Variants in PRKN observed in about 807,000 individuals in gnomAD.
PRKN encodes the protein E3 ubiquitin-protein ligase parkin.
A neutral mutation model predicts 59.5 loss-of-function variants in PRKN; 56 were observed. That is an observed-to-expected ratio of 0.94 (90% CI 0.76 to 1.18). The LOEUF (loss-of-function observed/expected upper bound fraction) is 1.18. Ranked by LOEUF, PRKN falls within the 50% of genes most tolerant of loss-of-function variation. The pLI, the probability that PRKN is intolerant of heterozygous loss-of-function variation, is 0.00. For missense variants in PRKN, 657 were observed against 596.4 expected (o/e 1.10, Z -1.06); for synonymous variants, 250 against 222.1 (o/e 1.13, Z -1.12).
At chr6:162,687,148 T>A (rs921837616) in intron 1 of PRKN, among the ~76,000 whole-genome samples, 1 of 151,938 alleles carries the variant, frequency 6.6e-6, no homozygotes, top group African/African-American at 2.4e-5. Flanking sequence ...ACAATATTAA[T>A]TCTTCTGATC....
chr6:162,083,492 A>T (rs1434020264), intron 4 of PRKN, among the ~76,000 whole-genome samples: 1 of 152,114 alleles, frequency 6.6e-6, no homozygotes, highest in Non-Finnish European at 1.5e-5. Flanking sequence ...TTTCATTTTC[A>T]TCAAGCCAAA....
chr6:162,252,016 C>A (rs554471650), intron 3 of PRKN, among the ~76,000 whole-genome samples: 4 of 152,052 alleles, frequency 2.6e-5, no homozygotes, highest in Non-Finnish European at 4.4e-5. Flanking sequence ...GTCAAAAGGT[C>A]GAAATTGCAT....
rs865824004 is a variant in PRKN, at chr6:161,368,382, G to T, written c.1168-8177C>A. 8.2e-4 allele frequency among the ~76,000 whole-genome samples: 81 copies of T among 99,272 alleles called. 1 individual carries two copies. Among genetic ancestry groups the T allele is most frequent in the East Asian group, 2.6e-3 (10 of 3,918 alleles). The allele number at this position is 99,272 out of a possible 152,430, so 65.1% of individuals were successfully genotyped here. A position where few individuals can be genotyped will look rare whatever the true frequency, so the allele number is the denominator to read the frequency against. ...GTATATATATAGCAACCTCAGTCTT[G>T]ATATATATATATATATATATATATA... On this transcript the variant is annotated intron_variant, in intron 10 of 11. Coordinates refer to ENST00000366898, the MANE Select transcript of PRKN (RefSeq NM_004562.3).
At chr6:161,767,516 C>CA (rs11312010) in intron 7 of PRKN, among the ~76,000 whole-genome samples, 76,973 of 145,306 alleles carry the variant, frequency 0.53, 20,530 homozygotes, top group Non-Finnish European at 0.58. Flanking sequence ...AACTCCTTCT[C>CA]AAAAAAAAAA....
At chr6:162,562,012 A>G (rs539232923) in intron 1 of PRKN, among the ~76,000 whole-genome samples, 1 of 152,250 alleles carries the variant, frequency 6.6e-6, no homozygotes, top group South Asian at 2.1e-4. Context: ...CAGGCTGCAC[A>G]GTTCTCAGCT....
chr6:162,391,399 G>A (rs913861210), intron 2 of PRKN, among the ~76,000 whole-genome samples: 2 of 151,116 alleles, frequency 1.3e-5, no homozygotes, highest in Non-Finnish European at 2.9e-5. Context: ...CGTGGATTTC[G>A]AACATCTGCA....
chr6:162,285,698 C>T (rs1781156054), intron 2 of PRKN, among the ~76,000 whole-genome samples: 1 of 152,104 alleles, frequency 6.6e-6, no homozygotes, highest in Non-Finnish European at 1.5e-5. Context: ...GGCACCTCAT[C>T]GAAATCTGTT....
At chr6:162,325,259 A>C (rs1225050652) in intron 2 of PRKN, among the ~76,000 whole-genome samples, 1 of 152,114 alleles carries the variant, frequency 6.6e-6, no homozygotes, top group Non-Finnish European at 1.5e-5. Flanking sequence ...GCTGGTTAAC[A>C]CAAGTTATCG....
chr6:161,469,565 GAGAGAGAAAGAGAGAGAGAAAGAGAA>G (rs1790671570), intron 9 of PRKN, among the ~76,000 whole-genome samples: 1 of 151,254 alleles, frequency 6.6e-6, no homozygotes, highest in South Asian at 2.1e-4. Flanking sequence ...GAGAGAGAGA[GAGAGAGAAAGAGAGAGAGAAAGAGAA>G]AGAGAGAGAG....
At chr6:161,732,803 G>T (rs1456593898) in intron 7 of PRKN, among the ~76,000 whole-genome samples, 58 of 152,212 alleles carry the variant, frequency 3.8e-4, no homozygotes, top group Non-Finnish European at 1.5e-4. Flanking sequence ...AGCATCCAGG[G>T]TTCTTTGCAT....
chr6:161,808,733 G>A (rs533422671), intron 6 of PRKN, among the ~76,000 whole-genome samples: 44 of 150,686 alleles, frequency 2.9e-4, no homozygotes, highest in South Asian at 1.3e-3. Flanking sequence ...TTGGTGGGAG[G>A]ACTTCAAAAA....
intron 4 of PRKN, among the ~76,000 whole-genome samples, chr6:162,134,461 G>C (rs1781492385): frequency 6.6e-6 from 1 of 152,174 alleles, no homozygotes; most frequent in Non-Finnish European, 1.5e-5. Context: ...CCAGATACAT[G>C]TGCAGAACAT....
intron 2 of PRKN, among the ~76,000 whole-genome samples, chr6:162,392,041 T>C (rs866692972): frequency 1.8e-4 from 27 of 152,160 alleles, no homozygotes; most frequent in South Asian, 1.2e-3. Context: ...TCATGATTTT[T>C]TTTTCCTTTT....
intron 3 of PRKN, among the ~76,000 whole-genome samples, chr6:162,257,110 A>G (rs886102223): frequency 3.3e-5 from 5 of 152,074 alleles, no homozygotes; most frequent in Non-Finnish European, 5.9e-5. Flanking sequence ...CTTTTTGTCA[A>G]TTGCATGCTG....
At chr6:162,105,462 C>T (rs868283278) in intron 4 of PRKN, among the ~76,000 whole-genome samples, 4 of 152,162 alleles carry the variant, frequency 2.6e-5, no homozygotes, top group East Asian at 1.9e-4. Context: ...AGTGCAATGG[C>T]GCGATTTCGG....
At chr6:162,608,125 T>C (rs1781997571) in intron 1 of PRKN, among the ~76,000 whole-genome samples, 1 of 152,200 alleles carries the variant, frequency 6.6e-6, no homozygotes, top group Non-Finnish European at 1.5e-5. Context: ...CAAAGGTAGA[T>C]TCTAGGCCTA....
chr6:161,797,614 G>A lies in PRKN; in HGVS notation c.735-11706C>T, dbSNP rs577524980. 2.1e-4 allele frequency among the ~76,000 whole-genome samples: 32 copies of A among 152,282 alleles called. No homozygotes were observed. In the South Asian group the frequency reaches 6.6e-3, roughly 32 times the overall value. ...GGAATATTTAAAAATCAGGTTGTCT[G>A]AAGTAGAGTGGTTTGAAATGAGGAG... On this transcript the variant is annotated intron_variant, in intron 6 of 11. Coordinates refer to ENST00000366898, the MANE Select transcript of PRKN (RefSeq NM_004562.3).
chr6:162,023,210 G>A (rs1008859402), intron 5 of PRKN, among the ~76,000 whole-genome samples: 1 of 152,120 alleles, frequency 6.6e-6, no homozygotes, highest in African/African-American at 2.4e-5. Flanking sequence ...TAAAGCCCCA[G>A]TGGGCGTGTG....
intron 5 of PRKN, among the ~76,000 whole-genome samples, chr6:161,985,667 G>A (rs1327991605): frequency 5.3e-5 from 8 of 152,124 alleles, no homozygotes; most frequent in Non-Finnish European, 8.8e-5. Flanking sequence ...CAATGTAGAC[G>A]AGCTATGTAA....
Sources: allele counts gnomAD v4.1 joint callset (sites outside exome capture counted in the v4.1 genomes callset), GRCh38; gene constraint gnomAD v4.1.1; transcripts MANE v1.5; gene names NCBI Gene and HGNC (gene_info 2026-07-23, HGNC 2026-07-21).